The following PPP2R2A variants were observed in gnomAD, a reference collection of about 807,000 sequenced individuals.
PPP2R2A encodes serine/threonine-protein phosphatase 2A 55 kDa regulatory subunit B alpha isoform.
PPP2R2A carries 9 observed loss-of-function variants against 53.2 expected under a neutral mutation model. That is an observed-to-expected ratio of 0.17 (90% CI 0.10 to 0.30). The LOEUF is 0.30. PPP2R2A is among the 10% of genes least tolerant of loss of function. PPP2R2A has a pLI of 1.00. For missense variants in PPP2R2A, 235 were observed against 534.6 expected, an observed-to-expected ratio of 0.44 and a Z score of 5.53; for synonymous variants, 169 against 174.2, an observed-to-expected ratio of 0.97 and a Z score of 0.23.
Position 26,354,089 on chromosome 8 carries a change from T to C in PPP2R2A, c.181-379T>C, listed in dbSNP as rs1471704373. Reference sequence around the variant, plus strand: ...GAAGAAGGTGTGCCTCACCTAGCTCTTTCTGGGCAAGACTTTATCATTATT... The same window carrying C: ...GAAGAAGGTGTGCCTCACCTAGCTCCTTCTGGGCAAGACTTTATCATTATT... On this transcript the variant is annotated intron_variant, in intron 3 of 9. Coordinates refer to ENST00000380737, the MANE Select transcript of PPP2R2A (RefSeq NM_002717.4). This position sits in a 1 kb window ranked among gnomAD's most constrained non-coding sequence, Gnocchi z 4.6. Among the ~76,000 whole-genome samples, 1 of 152,202 alleles carries C rather than the reference T, an allele frequency of 6.6e-6. No individual in the cohort carries two copies. Among genetic ancestry groups the C allele is most frequent in the East Asian group, 1.9e-4 (1 of 5,194 alleles).
chr8:26,292,408 C>A, intron 1 of PPP2R2A: 1 of 985,636 alleles, frequency 1.0e-6, no homozygotes, highest in Non-Finnish European at 1.2e-6. Flanking sequence ...TCCGTTTCTT[C>A]CCTTTTACCG....
chr8:26,332,459 T>C (rs1412774375), intron 2 of PPP2R2A, among the ~76,000 whole-genome samples: 1 of 152,068 alleles, frequency 6.6e-6, no homozygotes, highest in Admixed American at 6.5e-5. Flanking sequence ...TTTCTTCCCC[T>C]CCTTTATTTT....
chr8:26,360,045 A>ACT lies in PPP2R2A; in HGVS notation c.347-124_347-123insCT. On this transcript the variant is annotated intron_variant, in intron 4 of 9. Transcript: ENST00000380737. This position sits in a 1 kb window ranked among gnomAD's most constrained non-coding sequence, Gnocchi z 4.5. ...TAATAGGAAATTTTTTAGTAAGTTC[A>ACT]GATTAGGGTTTTTTTTTTTTTCGTG... 1 of 532,106 alleles carries ACT rather than the reference A, an allele frequency of 1.9e-6. No homozygotes were observed. The highest frequency in any genetic ancestry group is 2.4e-5 in the South Asian group (1 of 41,110). 33.0% of individuals were successfully genotyped at this position (532,106 alleles called of 1,614,324 possible). A position where few individuals can be genotyped will look rare whatever the true frequency, so the allele number is the denominator to read the frequency against.
chr8:26,296,899 T>G (rs541018937), intron 2 of PPP2R2A, among the ~76,000 whole-genome samples: 3 of 152,314 alleles, frequency 2.0e-5, no homozygotes, highest in Admixed American at 2.0e-4. Flanking sequence ...ACCAGATTGA[T>G]GTTATACAAC....
At chr8:26,369,236 T>C (rs1805541958) in intron 9 of PPP2R2A, among the ~76,000 whole-genome samples, 1 of 152,066 alleles carries the variant, frequency 6.6e-6, no homozygotes, top group African/African-American at 2.4e-5. Flanking sequence ...GAGAAGATTA[T>C]TTATTTATGA....
chr8:26,343,375 A>T (rs1804047363), intron 3 of PPP2R2A, among the ~76,000 whole-genome samples: 2 of 141,426 alleles, frequency 1.4e-5, no homozygotes, highest in East Asian at 2.1e-4. Context: ...GACTTCTCAG[A>T]TTTTTTTTTT....
intron 2 of PPP2R2A, among the ~76,000 whole-genome samples, chr8:26,337,722 C>T (rs996997429): frequency 6.6e-6 from 1 of 152,154 alleles, no homozygotes; most frequent in Non-Finnish European, 1.5e-5. Flanking sequence ...TCCAAACAGT[C>T]TGAGATAATA....
Position 26,370,146 on chromosome 8 carries a change from T to G in PPP2R2A, c.1077T>G (p.Thr359=), listed in dbSNP as rs746773831. ...CWNGSDSVVM[T]GSYNNFFRMF... is the part of the protein sequence containing the mutation. ...TCTATTTTCACAGTGTTGTCATGACTGGATCTTACAATAATTTCTTCAGAA... is the reference window on the plus strand; with the variant it reads ...TCTATTTTCACAGTGTTGTCATGACGGGATCTTACAATAATTTCTTCAGAA... Residue 359 remains threonine, a synonymous_variant, in exon 10 of 10, where the codon ACT becomes ACG. Transcript: ENST00000380737. This position sits in a 1 kb window ranked among gnomAD's most constrained non-coding sequence, Gnocchi z 6.1. The G allele has an allele frequency of 6.2e-7, 1 of 1,613,986 alleles. No individual in the cohort carries two copies. Among genetic ancestry groups the G allele is most frequent in the Non-Finnish European group, 8.5e-7 (1 of 1,179,888 alleles).
At chr8:26,350,259 T>G (rs1045278971) in intron 3 of PPP2R2A, among the ~76,000 whole-genome samples, 1 of 152,024 alleles carries the variant, frequency 6.6e-6, no homozygotes, top group Non-Finnish European at 1.5e-5. Context: ...GAGAGAGAGT[T>G]TCACTGTGTT....
Position 26,291,610 on chromosome 8 carries a change from C to T in PPP2R2A, c.-210C>T. The T allele has an allele frequency of 1.7e-6, 1 of 577,360 alleles. No homozygotes were observed. Among genetic ancestry groups the T allele is most frequent in the Non-Finnish European group, 3.0e-6 (1 of 329,058 alleles). 35.8% of individuals were successfully genotyped at this position (577,360 alleles called of 1,614,324 possible). A position where few individuals can be genotyped will look rare whatever the true frequency, so the allele number is the denominator to read the frequency against. On this transcript the variant is annotated 5_prime_UTR_variant, in exon 1 of 10. In the 5' UTR this introduces an upstream ATG that the reference lacks. Coordinates refer to ENST00000380737, the MANE Select transcript of PPP2R2A (RefSeq NM_002717.4). The stretch of plus-strand genomic sequence containing the variant: ...CGCCGCCGCTGCCGGAGAAAGAGCA[C>T]GAGCGGGGAAGCCCCAGAGTGAAAT...
intron 2 of PPP2R2A, among the ~76,000 whole-genome samples, chr8:26,308,558 TATC>T (rs1327035856): frequency 1.3e-5 from 2 of 152,242 alleles, no homozygotes; most frequent in Non-Finnish European, 2.9e-5. Flanking sequence ...CTATTGATGG[TATC>T]ATGAAATTGG....
intron 2 of PPP2R2A, among the ~76,000 whole-genome samples, chr8:26,302,612 T>C (rs77025222): frequency 0.019 from 2,851 of 152,342 alleles, 37 homozygotes; most frequent in Non-Finnish European, 0.027. Flanking sequence ...GGTATATCCA[T>C]AACTACCTGA....
rs1002760601 is a variant in PPP2R2A, at chr8:26,313,356, C to T, written c.82+19616C>T. Among the ~76,000 whole-genome samples the T allele has an allele frequency of 2.0e-5, 3 of 152,196 alleles. No homozygotes were observed. The South Asian group carries it at 6.2e-4, about 32-fold the overall frequency. On this transcript the variant is annotated intron_variant, in intron 2 of 9. Coordinates refer to ENST00000380737, the MANE Select transcript of PPP2R2A (RefSeq NM_002717.4). ...GGCCTATTTTCATATTTCTAAACTA[C>T]ATGCTCATACAGCTGTTTTTAAAAG...
intron 2 of PPP2R2A, among the ~76,000 whole-genome samples, chr8:26,334,363 T>C (rs927364679): frequency 6.6e-6 from 1 of 152,210 alleles, no homozygotes; most frequent in Non-Finnish European, 1.5e-5. Context: ...GACAGTGATG[T>C]CAGTTTTTGC....
intron 1 of PPP2R2A, chr8:26,293,223 T>G (rs1563277353): frequency 6.5e-6 from 10 of 1,535,536 alleles, no homozygotes; most frequent in South Asian, 1.2e-5. Context: ...TTCATATGAA[T>G]CATTACTCCT....
chr8:26,345,511 T>C (rs1361020718), intron 3 of PPP2R2A, among the ~76,000 whole-genome samples: 1 of 152,200 alleles, frequency 6.6e-6, no homozygotes, highest in Non-Finnish European at 1.5e-5. Flanking sequence ...AATTTAGGGT[T>C]GTATGATTTT....
At chr8:26,347,955 C>T (rs1804303913) in intron 3 of PPP2R2A, among the ~76,000 whole-genome samples, 1 of 152,138 alleles carries the variant, frequency 6.6e-6, no homozygotes, top group Admixed American at 6.6e-5. Flanking sequence ...GAAAGTTCCC[C>T]ATATTTTCTG....
intron 2 of PPP2R2A, among the ~76,000 whole-genome samples, chr8:26,300,243 A>G (rs998185827): frequency 1.3e-5 from 2 of 152,234 alleles, no homozygotes; most frequent in Non-Finnish European, 2.9e-5. Flanking sequence ...AGTGAACAAA[A>G]TATTAAAATC....
chr8:26,292,163 C>G (rs1388415238), intron 1 of PPP2R2A: 1 of 1,195,864 alleles, frequency 8.4e-7, no homozygotes, highest in Non-Finnish European at 1.0e-6. Context: ...CTTCTCCCAC[C>G]TCCCCACCTT....
Sources: gnomAD v4.1 joint callset for allele counts (sites outside exome capture counted in the v4.1 genomes callset) on GRCh38, gnomAD v4.1.1 for gene constraint, Gnocchi (gnomAD v3.1) non-coding constraint, MANE v1.5 for transcripts, NCBI Gene and HGNC (gene_info 2026-07-23, HGNC 2026-07-21) for gene names.